Variants in NXPH2 observed in about 807,000 individuals in gnomAD.
NXPH2 encodes the protein neurexophilin-2.
Under a neutral mutation model 19.8 loss-of-function variants are expected in NXPH2, and 5 were observed. That is an observed-to-expected ratio of 0.25 (90% confidence interval 0.13 to 0.53). NXPH2 has a LOEUF of 0.53. Among genes scored for constraint, NXPH2 ranks in the 20% least tolerant of loss-of-function variants. The pLI is 0.96. For synonymous variants in NXPH2, 154 were observed against 127.4 expected (o/e 1.21, Z -1.41); for missense variants, 289 against 322.8 (o/e 0.90, Z 0.80).
At chr2:138,778,664 C>T (rs993157610) in intron 1 of NXPH2, among the ~76,000 whole-genome samples, 1 of 152,206 alleles carries the variant, frequency 6.6e-6, no homozygotes, top group Non-Finnish European at 1.5e-5. Flanking sequence ...TTTCCCCAGG[C>T]TTTTCCTTAC....
At chr2:138,702,665 G>A (rs1340153601) in intron 1 of NXPH2, among the ~76,000 whole-genome samples, 1 of 151,786 alleles carries the variant, frequency 6.6e-6, no homozygotes, top group African/African-American at 2.4e-5. Context: ...GAAGCCAGAG[G>A]GATGACTATT....
At chr2:138,673,792 T>A (rs1324848816) in intron 1 of NXPH2, among the ~76,000 whole-genome samples, 1 of 151,870 alleles carries the variant, frequency 6.6e-6, no homozygotes, top group Non-Finnish European at 1.5e-5. Flanking sequence ...ACTTATTTCT[T>A]CCATCTAACT....
rs1030583947 is a variant in NXPH2 at position 138,669,687 on chromosome 2, A to G, written c.*1235T>C. 4.6e-5 allele frequency among the ~76,000 whole-genome samples: 7 copies of G among 152,164 alleles called. No homozygotes were observed. The highest frequency in any genetic ancestry group is 1.7e-4 in the African/African-American group (7 of 41,442). On this transcript the variant is annotated 3_prime_UTR_variant, in exon 2 of 2. Transcript: ENST00000272641. ...GTTCTAGAAGCCTTTTTCTTGGCCA[A>G]CCAGACCCCTGTTTCTGTTCTAATT... is the stretch of plus-strand genomic sequence containing the variant.
chr2:138,682,647 T>C (rs1420583608), intron 1 of NXPH2, among the ~76,000 whole-genome samples: 1 of 152,186 alleles, frequency 6.6e-6, no homozygotes, highest in Non-Finnish European at 1.5e-5. Flanking sequence ...CAGATATCTT[T>C]TAATAGCTAC....
At chr2:138,690,994 C>T (rs567655539) in intron 1 of NXPH2, among the ~76,000 whole-genome samples, 13 of 152,316 alleles carry the variant, frequency 8.5e-5, no homozygotes, top group Admixed American at 7.8e-4. Flanking sequence ...TTAGCCAGAG[C>T]TCGCCATCAC....
At chr2:138,735,689 C>T (rs1193606870) in intron 1 of NXPH2, among the ~76,000 whole-genome samples, 1 of 152,178 alleles carries the variant, frequency 6.6e-6, no homozygotes, top group African/African-American at 2.4e-5. Flanking sequence ...CAAAAGTCCC[C>T]CAAAGTCTTA....
rs1374782774 is a variant in NXPH2, at chr2:138,674,978, T to C, written c.52-3313A>G. 6.6e-5 allele frequency among the ~76,000 whole-genome samples: 10 copies of C among 152,198 alleles called. No homozygotes were observed. In the East Asian group the frequency reaches 1.9e-3, roughly 29 times the overall value. On this transcript the variant is annotated intron_variant, in intron 1 of 1. Coordinates refer to ENST00000272641, the MANE Select transcript of NXPH2 (RefSeq NM_007226.3). ...TCTCTATTCCCTGATTTGGTACAGC[T>C]TCTGAACTTCTTCCCTCACTCCCAC...
intron 1 of NXPH2, among the ~76,000 whole-genome samples, chr2:138,770,700 T>C (rs1463527491): frequency 1.3e-5 from 2 of 151,978 alleles, no homozygotes; most frequent in African/African-American, 4.8e-5. Context: ...AATTTTAAAA[T>C]GTCAGCCATA....
rs1430674506 is a variant in NXPH2, at chr2:138,671,412, A to G, written c.305T>C (p.Ile102Thr). Residue 102 changes from isoleucine to threonine, a missense_variant, in exon 2 of 2, where the codon ATA (isoleucine) becomes ACA (threonine). Ile to Thr is a moderately conservative substitution (Grantham distance 89). Transcript: ENST00000272641. Reference protein sequence around the residue: ...EPLARTKRRPIVKTGKFKKMF... With the variant: ...EPLARTKRRPTVKTGKFKKMF... ...TTTCTTAAATTTTCCTGTTTTTACT[A>G]TTGGCCTCCGTTTAGTTCTTGCCAA... 6.2e-7 allele frequency: 1 copy of G among 1,614,024 alleles called. No individual in the cohort carries two copies. Among genetic ancestry groups the G allele is most frequent in the Non-Finnish European group, 8.5e-7 (1 of 1,179,894 alleles).
intron 1 of NXPH2, among the ~76,000 whole-genome samples, chr2:138,731,115 A>G (rs543570677): frequency 7.2e-5 from 11 of 152,016 alleles, no homozygotes; most frequent in African/African-American, 2.7e-4. Context: ...ACTTCTTTTT[A>G]TTTATTCAGT....
chr2:138,741,119 C>T (rs1681635561), intron 1 of NXPH2, among the ~76,000 whole-genome samples: 1 of 152,110 alleles, frequency 6.6e-6, no homozygotes, highest in Admixed American at 6.6e-5. Flanking sequence ...TTCCACTTAA[C>T]AGATCTGAGA....
chr2:138,776,675 A>T (rs1183438129), intron 1 of NXPH2, among the ~76,000 whole-genome samples: 4 of 148,950 alleles, frequency 2.7e-5, no homozygotes, highest in African/African-American at 9.9e-5. Flanking sequence ...TTCATCCGGC[A>T]CTGGAAAATA....
chr2:138,684,019 C>T (rs915064305), intron 1 of NXPH2, among the ~76,000 whole-genome samples: 2 of 152,164 alleles, frequency 1.3e-5, no homozygotes, highest in Admixed American at 1.3e-4. Flanking sequence ...ATATAAATGC[C>T]TATTACTTGT....
Position 138,780,377 on chromosome 2 carries a change from T to G in NXPH2, c.-136A>C. The G allele has an allele frequency of 4.7e-6, 1 of 212,386 alleles. No homozygotes were observed. The highest frequency in any genetic ancestry group is 8.4e-6 in the Non-Finnish European group (1 of 118,708). The allele number at this position is 212,386 out of a possible 1,614,324, so 13.2% of individuals were successfully genotyped here. A position where few individuals can be genotyped will look rare whatever the true frequency, so the allele number is the denominator to read the frequency against. On this transcript the variant is annotated 5_prime_UTR_variant, in exon 1 of 2. Coordinates refer to ENST00000272641, the MANE Select transcript of NXPH2 (RefSeq NM_007226.3). Reference sequence around the variant, plus strand: ...CTCCCGGAATCCGAGCGCTGCGCCGTGCCGCGCAGCTCTGGCCGGGTGGGC... The same window carrying G: ...CTCCCGGAATCCGAGCGCTGCGCCGGGCCGCGCAGCTCTGGCCGGGTGGGC...
At chr2:138,755,340 C>T (rs992927736) in intron 1 of NXPH2, among the ~76,000 whole-genome samples, 2 of 151,928 alleles carry the variant, frequency 1.3e-5, no homozygotes, top group Admixed American at 6.6e-5. Flanking sequence ...TTTTGAATTA[C>T]TGCTGTGAAA....
At chr2:138,683,631 A>C (rs1680609223) in intron 1 of NXPH2, among the ~76,000 whole-genome samples, 1 of 152,168 alleles carries the variant, frequency 6.6e-6, no homozygotes, top group African/African-American at 2.4e-5. Context: ...TGTGATGGTG[A>C]GTTTTATGTG....
At chr2:138,716,256 C>A (rs909553198) in intron 1 of NXPH2, among the ~76,000 whole-genome samples, 1 of 152,098 alleles carries the variant, frequency 6.6e-6, no homozygotes, top group Non-Finnish European at 1.5e-5. Context: ...TTATGGTCTG[C>A]ATGTTTATAT....
chr2:138,681,715 A>C (rs546749000), intron 1 of NXPH2, among the ~76,000 whole-genome samples: 2 of 152,164 alleles, frequency 1.3e-5, no homozygotes, highest in East Asian at 1.9e-4. Context: ...AAAATTTCAT[A>C]CAGATCAGTA....
rs1051361428 is a variant in NXPH2, at chr2:138,780,068, C to T, written c.51+123G>A. 96 of 969,102 alleles carry T rather than the reference C, an allele frequency of 9.9e-5. 1 individual carries two copies. The East Asian group carries it at 3.1e-3, about 32-fold the overall frequency. 60.0% of individuals were successfully genotyped at this position (969,102 alleles called of 1,614,324 possible). A position where few individuals can be genotyped will look rare whatever the true frequency, so the allele number is the denominator to read the frequency against. On this transcript the variant is annotated intron_variant, in intron 1 of 1. Coordinates refer to ENST00000272641, the MANE Select transcript of NXPH2 (RefSeq NM_007226.3). ...AAGGCAACCCAAAACTCCTTGCCCT[C>T]CGCGCGCCCCCAACCCCACTTCCCA...
Sources: gnomAD v4.1 joint callset for allele counts (sites outside exome capture counted in the v4.1 genomes callset) on GRCh38, gnomAD v4.1.1 for gene constraint, MANE v1.5 for transcripts, NCBI Gene and HGNC (gene_info 2026-07-23, HGNC 2026-07-21) for gene names.